The following P4HA1 variants were observed in gnomAD, a reference collection of about 807,000 sequenced individuals.
The protein encoded by P4HA1 is prolyl 4-hydroxylase subunit alpha-1.
A neutral mutation model predicts 72.8 loss-of-function variants in P4HA1; 24 were observed. That is an observed-to-expected ratio of 0.33 (90% CI 0.24 to 0.46). The LOEUF (loss-of-function observed/expected upper bound fraction) is 0.46, where lower values mean the gene tolerates loss of function less well. Ranked by LOEUF, P4HA1 falls within the 20% of genes least tolerant of loss-of-function variation. P4HA1 has a pLI of 1.00. For synonymous variants in P4HA1, 201 were observed against 218.8 expected, an observed-to-expected ratio of 0.92 and a Z score of 0.72; for missense variants, 446 against 640.6, an observed-to-expected ratio of 0.70 and a Z score of 3.28.
chr10:73,042,702 A>C (rs749247302), intron 9 of P4HA1, among the ~76,000 whole-genome samples: 29 of 151,640 alleles, frequency 1.9e-4, no homozygotes, highest in Non-Finnish European at 3.8e-4. Flanking sequence ...TAGAACAGTT[A>C]ATTCTCAACA....
chr10:73,064,858 G>C (rs535319113), intron 5 of P4HA1, among the ~76,000 whole-genome samples: 1 of 152,154 alleles, frequency 6.6e-6, no homozygotes, highest in East Asian at 1.9e-4. Flanking sequence ...AAAAGAAATC[G>C]ATTTTTATGG....
chr10:73,059,424 T>TAAAAA lies in P4HA1; in HGVS notation c.464-5839_464-5835dup, dbSNP rs920360586. Among the ~76,000 whole-genome samples, 34 of 24,178 alleles carry TAAAAA rather than the reference T, an allele frequency of 1.4e-3. 9 individuals carry two copies. Among genetic ancestry groups the TAAAAA allele is most frequent in the Non-Finnish European group, 2.8e-3 (28 of 9,954 alleles). The allele number at this position is 24,178 out of a possible 152,430, so 15.9% of individuals were successfully genotyped here. ...GGGCAAAATAATGAGACAATATATT[T>TAAAAA]AAAAAAAAAAAAAAAAAAAAAAAAA... On this transcript the variant is annotated intron_variant, in intron 5 of 14. Transcript: ENST00000394890.
intron 1 of P4HA1, among the ~76,000 whole-genome samples, chr10:73,089,039 T>A (rs1377627504): frequency 6.6e-6 from 1 of 152,236 alleles, no homozygotes; most frequent in East Asian, 1.9e-4. Flanking sequence ...CTCTGAGATT[T>A]GGACTAGAAA....
intron 10 of P4HA1, among the ~76,000 whole-genome samples, chr10:73,019,155 C>T (rs1307671563): frequency 6.6e-6 from 1 of 152,192 alleles, no homozygotes; most frequent in South Asian, 2.1e-4. Context: ...GCTACCACCA[C>T]TGCAAACTTC....
intron 9 of P4HA1, among the ~76,000 whole-genome samples, chr10:73,038,589 C>T (rs1840655319): frequency 6.7e-6 from 1 of 149,746 alleles, no homozygotes; most frequent in Non-Finnish European, 1.5e-5. Flanking sequence ...TTTTCATTTA[C>T]AAGCTGTAGT....
intron 5 of P4HA1, chr10:73,064,982 A>G (rs1447558873): frequency 6.6e-6 from 1 of 152,234 alleles, no homozygotes; most frequent in Admixed American, 6.5e-5. Context: ...TTTGTAAGGG[A>G]TAATTATGTT....
intron 11 of P4HA1, among the ~76,000 whole-genome samples, chr10:73,015,549 C>T (rs1839992879): frequency 6.6e-6 from 1 of 152,212 alleles, no homozygotes; most frequent in Non-Finnish European, 1.5e-5. Flanking sequence ...GACAGTTCCC[C>T]ATAAGGCTCC....
chr10:73,043,779 G>A, intron 9 of P4HA1: 1 of 818,008 alleles, frequency 1.2e-6, no homozygotes, highest in Non-Finnish European at 2.1e-6. Flanking sequence ...AAACATCTAT[G>A]CCTAACCACC....
At chr10:73,095,399 T>C (rs1842142314) in intron 1 of P4HA1, among the ~76,000 whole-genome samples, 2 of 151,996 alleles carry the variant, frequency 1.3e-5, no homozygotes, top group South Asian at 2.1e-4. Context: ...GTTTTTTAAA[T>C]TAACTTCCAA....
chr10:73,019,973 G>A lies in P4HA1; in HGVS notation c.1249-3074C>T, dbSNP rs981548555. Among the ~76,000 whole-genome samples the A allele has an allele frequency of 2.6e-5, 4 of 151,992 alleles. No homozygotes were observed. In the South Asian group the frequency reaches 8.3e-4, roughly 31 times the overall value. ...AAGGAGAAGAAAGGTAAAAGGCACA[G>A]AAAACCTATTTAATAATAGCTGAAA... On this transcript the variant is annotated intron_variant, in intron 10 of 14. Transcript: ENST00000394890.
chr10:73,031,347 T>C (rs1840427957), intron 9 of P4HA1, among the ~76,000 whole-genome samples: 1 of 152,192 alleles, frequency 6.6e-6, no homozygotes, highest in African/African-American at 2.4e-5. Context: ...TAGCTGGGCA[T>C]GGTGGCATGC....
At chr10:73,080,439 A>G (rs1841797204) in intron 1 of P4HA1, among the ~76,000 whole-genome samples, 2 of 152,220 alleles carry the variant, frequency 1.3e-5, no homozygotes, top group African/African-American at 4.8e-5. Context: ...AAACAACCCT[A>G]TGAAATCACC....
At chr10:73,093,630 TAA>T (rs752622439) in intron 1 of P4HA1, among the ~76,000 whole-genome samples, 1 of 151,058 alleles carries the variant, frequency 6.6e-6, no homozygotes, top group Non-Finnish European at 1.5e-5. Flanking sequence ...GATCACGAGG[TAA>T]AGAGATCGAG....
chr10:73,034,863 G>A (rs764585000), intron 9 of P4HA1, among the ~76,000 whole-genome samples: 1 of 152,044 alleles, frequency 6.6e-6, no homozygotes, highest in Non-Finnish European at 1.5e-5. Context: ...TTACAGGTGT[G>A]AGCCACCACA....
At position 73,086,625 on chromosome 10, in the gene P4HA1, G is replaced by C. The variant is rs182763233; in HGVS notation, c.-33+10141C>G. On this transcript the variant is annotated intron_variant, in intron 1 of 14. Transcript: ENST00000394890. Reference sequence around the variant, plus strand: ...ACGTGAATTATTACTCAATAAAACTGTTTTAAAAAAATTAAAAAGAAAACA... The same window carrying C: ...ACGTGAATTATTACTCAATAAAACTCTTTTAAAAAAATTAAAAAGAAAACA... 4.2e-3 allele frequency among the ~76,000 whole-genome samples: 638 copies of C among 152,154 alleles called. 4 individuals are homozygous for C. The highest frequency in any genetic ancestry group is 0.014 in the African/African-American group (596 of 41,524).
intron 5 of P4HA1, among the ~76,000 whole-genome samples, chr10:73,058,797 G>C (rs1026534445): frequency 2.6e-5 from 3 of 113,546 alleles, no homozygotes; most frequent in Admixed American, 9.1e-5. Flanking sequence ...TTTTTTTTGA[G>C]ACGAAGTCTC....
chr10:73,086,367 T>C (rs571269604), intron 1 of P4HA1, among the ~76,000 whole-genome samples: 8 of 152,210 alleles, frequency 5.3e-5, no homozygotes, highest in Admixed American at 5.2e-4. Context: ...AGTACTGATA[T>C]ATGTTATAAC....
At chr10:73,011,466 A>G (rs1173353274) in intron 12 of P4HA1, among the ~76,000 whole-genome samples, 1 of 152,206 alleles carries the variant, frequency 6.6e-6, no homozygotes, top group Admixed American at 6.5e-5. Context: ...TAGTACCTCA[A>G]GAACAGTAGG....
intron 1 of P4HA1, among the ~76,000 whole-genome samples, chr10:73,084,938 G>A (rs759224087): frequency 1.4e-4 from 21 of 152,068 alleles, no homozygotes; most frequent in Non-Finnish European, 2.2e-4. Context: ...TCAAGAGTTC[G>A]AGACCAGCCT....
Sources: gnomAD v4.1 joint callset for allele counts (sites outside exome capture counted in the v4.1 genomes callset) on GRCh38, gnomAD v4.1.1 for gene constraint, MANE v1.5 for transcripts, NCBI Gene and HGNC (gene_info 2026-07-23, HGNC 2026-07-21) for gene names.